The following ECHDC2 variants were observed in gnomAD, a reference collection of about 807,000 sequenced individuals.
ECHDC2 encodes the protein enoyl-CoA hydratase domain containing 2.
A neutral mutation model predicts 40.6 loss-of-function variants in ECHDC2; 34 were observed. The observed-to-expected ratio is 0.84, with a 90% CI of 0.64 to 1.11. The LOEUF (loss-of-function observed/expected upper bound fraction) is 1.11, where lower values mean the gene tolerates loss of function less well. Among genes scored for constraint, ECHDC2 ranks in the 50% most tolerant of loss-of-function variants. The probability of loss-of-function intolerance (pLI) is 0.00; values close to 1 mark genes in which losing one functional copy is unlikely to be tolerated. For synonymous variants in ECHDC2, 162 were observed against 166.6 expected (o/e 0.97, Z 0.21); for missense variants, 392 against 400.7 (o/e 0.98, Z 0.19).
chr1:52,911,602 G>C lies in ECHDC2; in HGVS notation c.241C>G (p.Leu81Val). The change falls in exon 3 of 10, where the codon CTC becomes GTC. Residue 81 changes from leucine to valine, a missense_variant. Leu to Val is a conservative substitution (Grantham distance 32). Transcript: ENST00000371522. ...LREDRQVRVL[L>V]FRSGVKGVFC... ...ACGCCCTTCACTCCACTTCTGAAGA[G>C]CAGGACACGCACTTGCCGGTCCTCC... 6.2e-7 allele frequency: 1 copy of C among 1,614,108 alleles called. No homozygotes were observed.
chr1:52,918,628 A>ATTT (rs771455372), intron 1 of ECHDC2, among the ~76,000 whole-genome samples: 21 of 152,312 alleles, frequency 1.4e-4, no homozygotes, highest in Admixed American at 5.2e-4. Context: ...AGAAGAAAAC[A>ATTT]TTTTTTGTAC....
At chr1:52,921,772 A>G (rs540140070), upstream of ECHDC2, 114 of 1,420,412 alleles carry the variant, frequency 8.0e-5, no homozygotes, top group South Asian at 1.2e-3. Context: ...GCCTTCGCCA[A>G]TTGCTCCACC....
chr1:52,921,278 G>T, intron 1 of ECHDC2: 1 of 563,048 alleles, frequency 1.8e-6, no homozygotes, highest in Non-Finnish European at 2.7e-6. Context: ...TCCTACCCGT[G>T]CGGACCCCGC....
rs368516848 is a variant in ECHDC2 at position 52,921,568 on chromosome 1, C to G, written c.106G>C (p.Ala36Pro). Residue 36 changes from alanine to proline, a missense_variant, in exon 1 of 10, where the codon GCG becomes CCG. Physicochemically the swap from Ala to Pro is conservative, Grantham distance 27 (BLOSUM62 -1). Coordinates refer to ENST00000371522, the MANE Select transcript of ECHDC2 (RefSeq NM_001198961.2). ...GCACATTTACCTTGGTCCGGACCCGCCAGGGCGCGCACTTGGATCTCTGAG... is the reference window on the plus strand; with the variant it reads ...GCACATTTACCTTGGTCCGGACCCGGCAGGGCGCGCACTTGGATCTCTGAG... ...GGSEIQVRAL[A>P]GPDQGITEIL... The G allele has an allele frequency of 3.1e-6, 5 of 1,609,776 alleles. No individual in the cohort carries two copies. In the East Asian group the frequency reaches 1.1e-4, roughly 36 times the overall value.
In ECHDC2 at chr1:52,904,634, C is replaced by T; in HGVS notation, c.702+12G>A. 3 of 1,569,230 alleles carry T rather than the reference C, an allele frequency of 1.9e-6. No homozygotes were observed. The highest frequency in any genetic ancestry group is 1.7e-6 in the Non-Finnish European group (2 of 1,156,266). On this transcript the variant is annotated intron_variant, in intron 7 of 9. Transcript: ENST00000371522. The stretch of plus-strand genomic sequence containing the variant: ...CTCCAGCCCTCCTTCTGGTGCCGAG[C>T]TGTCACCACACCTGGGGCAGGATCT...
chr1:52,914,593 G>A lies in ECHDC2; in HGVS notation c.122-2803C>T, dbSNP rs375618435. Among the ~76,000 whole-genome samples the A allele has an allele frequency of 7.2e-5, 11 of 152,094 alleles. No individual in the cohort carries two copies. The East Asian group carries it at 9.6e-4, about 13-fold the overall frequency. ...ACCCAGGGCTCCCGTGTGTGCCCAG[G>A]AGCCCAGAGCTCTCCTGTGCACCCC... On this transcript the variant is annotated intron_variant, in intron 1 of 9. Coordinates refer to ENST00000371522, the MANE Select transcript of ECHDC2 (RefSeq NM_001198961.2). The surrounding 1 kb of genome is among the most constrained non-coding windows in gnomAD (Gnocchi z 4.0).
rs1280610827 is a variant in ECHDC2 at position 52,904,697 on chromosome 1, C to A, written c.651G>T (p.Gly217=). 2 of 1,611,754 alleles carry A rather than the reference C, an allele frequency of 1.2e-6. No homozygotes were observed. The highest frequency in any genetic ancestry group is 4.5e-5 in the East Asian group (2 of 44,874). ...VNHAVAQNEE[G]DAAYQRARAL... ...CTCGTGCCCGCTGGTAGGCGGCGTC[C>A]CCCTCCTCGTTCTGGGCCACAGCGT... Residue 217 remains glycine, a synonymous_variant, in exon 7 of 10, where the codon GGG becomes GGT. Coordinates refer to ENST00000371522, the MANE Select transcript of ECHDC2 (RefSeq NM_001198961.2).
intron 7 of ECHDC2, chr1:52,900,706 T>C (rs780245599): frequency 1.6e-4 from 24 of 152,230 alleles, no homozygotes; most frequent in Non-Finnish European, 2.9e-4. Flanking sequence ...GAAGGGTTAC[T>C]GGGATATGGG....
At position 52,921,546 on chromosome 1, in the gene ECHDC2, C is replaced by A; in HGVS notation, c.121+7G>T. ...CGTCATGCGCCGCCCCGGAACTGCA[C>A]ATTTACCTTGGTCCGGACCCGCCAG... On this transcript the variant is annotated splice_region_variant and intron_variant, in intron 1 of 9. Coordinates refer to ENST00000371522, the MANE Select transcript of ECHDC2 (RefSeq NM_001198961.2). 6.2e-7 allele frequency: 1 copy of A among 1,609,144 alleles called. No individual in the cohort carries two copies. Among genetic ancestry groups the A allele is most frequent in the East Asian group, 2.2e-5 (1 of 44,688 alleles).
chr1:52,911,682 CA>C, intron 2 of ECHDC2, 29 bp from the exon 3 acceptor site: 1 of 1,614,210 alleles, frequency 6.2e-7, no homozygotes, highest in Non-Finnish European at 8.5e-7. Flanking sequence ...TAGATAGTGC[CA>C]GCCCATCCCC....
chr1:52,908,208 C>A (rs1648446998), intron 3 of ECHDC2, among the ~76,000 whole-genome samples: 1 of 152,158 alleles, frequency 6.6e-6, no homozygotes, highest in Non-Finnish European at 1.5e-5. Flanking sequence ...CAATAGAATA[C>A]AAAGACAACC....
In ECHDC2 at chr1:52,921,098, C is replaced by G. The variant is rs116740650; in HGVS notation, c.121+455G>C. Among the ~76,000 whole-genome samples the G allele has an allele frequency of 5.1e-3, 781 of 152,370 alleles. 8 individuals are homozygous for G. The highest frequency in any genetic ancestry group is 0.018 in the African/African-American group (761 of 41,598). Reference sequence around the variant, plus strand: ...CCAGAAGGACGCAAAGGTTCGCTAGCGGCCCAGGGCGGGCGCGCGGCTGGA... The same window carrying G: ...CCAGAAGGACGCAAAGGTTCGCTAGGGGCCCAGGGCGGGCGCGCGGCTGGA... On this transcript the variant is annotated intron_variant, in intron 1 of 9. Coordinates refer to ENST00000371522, the MANE Select transcript of ECHDC2 (RefSeq NM_001198961.2).
rs184947453 is a variant in ECHDC2 at position 52,896,296 on chromosome 1, G to A, written c.*224C>T. 3.5e-5 allele frequency: 19 copies of A among 545,798 alleles called. 1 individual carries two copies. The highest frequency in any genetic ancestry group is 2.8e-4 in the East Asian group (9 of 32,160). 33.8% of individuals were successfully genotyped at this position (545,798 alleles called of 1,614,324 possible). The stretch of plus-strand genomic sequence containing the variant: ...ATTTTCCAAAGCAAACCCAACCCTC[G>A]TGATTATTTCTAGCCAGGGTGAAGC... On this transcript the variant is annotated 3_prime_UTR_variant, in exon 10 of 10. Coordinates refer to ENST00000371522, the MANE Select transcript of ECHDC2 (RefSeq NM_001198961.2).
chr1:52,916,325 GTC>G (rs1235101908), intron 1 of ECHDC2, among the ~76,000 whole-genome samples: 2 of 152,118 alleles, frequency 1.3e-5, no homozygotes, highest in Non-Finnish European at 2.9e-5. Context: ...CTGGCTGACT[GTC>G]TCTCATCTTT....
At chr1:52,915,532 G>A (rs1332501646) in intron 1 of ECHDC2, among the ~76,000 whole-genome samples, 2 of 152,194 alleles carry the variant, frequency 1.3e-5, no homozygotes, top group African/African-American at 4.8e-5. Context: ...GAGGTGTGCA[G>A]ATGGCCATAA....
At chr1:52,906,351 A>AG (rs1272395781) in intron 5 of ECHDC2, 168 bp downstream of exon 5, 2 of 702,694 alleles carry the variant, frequency 2.8e-6, no homozygotes, top group Non-Finnish European at 5.3e-6. Context: ...CTGCACCAGG[A>AG]GGGGAAGCAG....
chr1:52,906,247 G>T, intron 5 of ECHDC2: 1 of 500,026 alleles, frequency 2.0e-6, no homozygotes, highest in East Asian at 4.4e-5. Context: ...TGACCTCCTT[G>T]GCTCGTAACA....
At chr1:52,904,051 C>T (rs186606735) in intron 7 of ECHDC2, among the ~76,000 whole-genome samples, 162 of 152,068 alleles carry the variant, frequency 1.1e-3, no homozygotes, top group South Asian at 1.7e-3. Context: ...CTCCTAACCT[C>T]GTGATACACC....
At chr1:52,908,195 T>C (rs1444834944) in intron 3 of ECHDC2, among the ~76,000 whole-genome samples, 2 of 152,190 alleles carry the variant, frequency 1.3e-5, no homozygotes, top group African/African-American at 2.4e-5. Context: ...CAGAGGACAC[T>C]ATCAATAGAA....
Sources: gnomAD v4.1 joint callset for allele counts (sites outside exome capture counted in the v4.1 genomes callset) on GRCh38, gnomAD v4.1.1 for gene constraint, Gnocchi (gnomAD v3.1) non-coding constraint, MANE v1.5 for transcripts, NCBI Gene and HGNC (gene_info 2026-07-23, HGNC 2026-07-21) for gene names.